The following ZNF423 variants were observed in gnomAD, a reference collection of about 807,000 sequenced individuals.
ZNF423 encodes Ebf-associated zinc finger protein.
In ZNF423, 12 loss-of-function variants were observed where a neutral mutation model predicts 95.8. The ratio of observed to expected loss-of-function variants is 0.13; its 90% CI spans 0.08 to 0.20. The LOEUF is 0.20. Among genes scored for constraint, ZNF423 ranks in the 10% least tolerant of loss-of-function variants. The pLI is 1.00. For synonymous variants in ZNF423, 749 were observed against 711.9 expected (o/e 1.05, Z -0.83); for missense variants, 1,316 against 1,737.1 (o/e 0.76, Z 4.31).
chr16:49,528,379 G>A (rs984971406), intron 5 of ZNF423, among the ~76,000 whole-genome samples: 2 of 152,186 alleles, frequency 1.3e-5, no homozygotes, highest in Admixed American at 6.5e-5. Context: ...CAAGCCGTCC[G>A]GGGCCCAAAC....
Position 49,751,036 on chromosome 16 carries a change from T to C in ZNF423, c.101-20065A>G, listed in dbSNP as rs546269398. Among the ~76,000 whole-genome samples the C allele has an allele frequency of 2.0e-4, 31 of 152,182 alleles. No homozygotes were observed. The South Asian group carries it at 6.2e-3, about 31-fold the overall frequency. On this transcript the variant is annotated intron_variant, in intron 2 of 7. Transcript: ENST00000563137. ...CCCGAGGAAGGCCCAGGACACGCCA[T>C]CAAATCCTGAAATCAGAAGGTGCTG...
intron 3 of ZNF423, chr16:49,640,667 A>T (rs1275384515): frequency 7.0e-6 from 1 of 142,454 alleles, no homozygotes; most frequent in Non-Finnish European, 1.5e-5. Context: ...CTCAACCGGG[A>T]TGCATGCGGC....
At chr16:49,820,774 A>G (rs937136186) in intron 1 of ZNF423, among the ~76,000 whole-genome samples, 2 of 152,240 alleles carry the variant, frequency 1.3e-5, no homozygotes, top group Non-Finnish European at 2.9e-5. Context: ...AAAATGTATT[A>G]AGATTCCCCT....
intron 3 of ZNF423, among the ~76,000 whole-genome samples, chr16:49,672,640 A>T (rs1035054745): frequency 9.2e-5 from 14 of 152,138 alleles, no homozygotes; most frequent in African/African-American, 3.1e-4. Flanking sequence ...AACATGGCGA[A>T]ACCTGTCTCT....
rs8053675 is a variant in ZNF423 at position 49,708,678 on chromosome 16, C to T, written c.301+22093G>A. ...GCCCACATGCCACAGGGACCCAACA[C>T]GTGCTACCCGCACAGCCTTTCACAG... On this transcript the variant is annotated intron_variant, in intron 3 of 7. Transcript: ENST00000563137. 3.9e-3 allele frequency among the ~76,000 whole-genome samples: 587 copies of T among 152,334 alleles called. 3 individuals carry two copies. The highest frequency in any genetic ancestry group is 6.7e-3 in the Non-Finnish European group (457 of 68,046).
intron 5 of ZNF423, among the ~76,000 whole-genome samples, chr16:49,612,973 A>G (rs1466974521): frequency 2.6e-5 from 4 of 151,886 alleles, no homozygotes; most frequent in Non-Finnish European, 4.4e-5. Flanking sequence ...AACCTGTACC[A>G]AATTAGGATG....
chr16:49,702,557 G>C (rs970020929), intron 3 of ZNF423, among the ~76,000 whole-genome samples: 3 of 152,324 alleles, frequency 2.0e-5, no homozygotes, highest in Non-Finnish European at 4.4e-5. Flanking sequence ...GAGGCGGGGG[G>C]CTGGCGGGCC....
At chr16:49,677,282 A>AGAAGAGAAGAGAAGG (rs1195080287) in intron 3 of ZNF423, among the ~76,000 whole-genome samples, 1 of 81,500 alleles carries the variant, frequency 1.2e-5, no homozygotes, top group Non-Finnish European at 2.5e-5. Flanking sequence ...AGAAGAGAAG[A>AGAAGAGAAGAGAAGG]GAAGAGAAGA....
At chr16:49,834,206 G>A (rs1378792863) in intron 1 of ZNF423, among the ~76,000 whole-genome samples, 1 of 152,112 alleles carries the variant, frequency 6.6e-6, no homozygotes, top group African/African-American at 2.4e-5. Context: ...ACTACATACA[G>A]CCTATATAAC....
intron 7 of ZNF423, chr16:49,517,676 A>C (rs1167944705): frequency 4.2e-6 from 1 of 236,382 alleles, no homozygotes; most frequent in Non-Finnish European, 8.3e-6. Flanking sequence ...ATGAGAGAAA[A>C]CTTTTTTTTT....
chr16:49,519,006 G>A (rs1005293387), intron 7 of ZNF423, among the ~76,000 whole-genome samples: 2 of 152,230 alleles, frequency 1.3e-5, no homozygotes, highest in Non-Finnish European at 2.9e-5. Context: ...TGAGGCTGCA[G>A]TAAGCCATGA....
intron 1 of ZNF423, among the ~76,000 whole-genome samples, chr16:49,815,925 T>A (rs1237026617): frequency 4.4e-3 from 403 of 91,260 alleles, no homozygotes; most frequent in South Asian, 0.022. Context: ...TTTTTTTTTT[T>A]TTTTTTTTTT....
chr16:49,853,926 A>T, intron 1 of ZNF423: 3 of 985,418 alleles, frequency 3.0e-6, no homozygotes, highest in Non-Finnish European at 3.6e-6. Flanking sequence ...GAGTTAAATA[A>T]AACTGTTTTT....
rs1229507914 is a variant in ZNF423, at chr16:49,651,540, G to C, written c.302-12666C>G. 3.3e-5 allele frequency among the ~76,000 whole-genome samples: 5 copies of C among 152,136 alleles called. No individual in the cohort carries two copies. The East Asian group carries it at 9.7e-4, about 29-fold the overall frequency. On this transcript the variant is annotated intron_variant, in intron 3 of 7. Transcript: ENST00000563137. Reference sequence around the variant, plus strand: ...GGCTGAGAGCCGGCAGCAGGGCTTAGACTCCCAGCTCCCCCACTTACTATG... The same window carrying C: ...GGCTGAGAGCCGGCAGCAGGGCTTACACTCCCAGCTCCCCCACTTACTATG...
chr16:49,730,931 G>C lies in ZNF423; in HGVS notation c.141C>G (p.Ser47Arg), dbSNP rs1369041439. 3 of 1,614,186 alleles carry C rather than the reference G, an allele frequency of 1.9e-6. No homozygotes were observed. In the African/African-American group the frequency reaches 4.0e-5, roughly 22 times the overall value. Reference protein sequence around the residue: ...EGEPECDQKTSRALEDRNSVT... With the variant: ...EGEPECDQKTRRALEDRNSVT... ...CGCTGTTCCTGTCTTCCAGCGCACG[G>C]CTGGTTTTCTGATCGCACTCTGGCT... Residue 47 changes from serine to arginine, a missense_variant, in exon 3 of 8, where the codon AGC (serine) becomes AGG (arginine). Physicochemically the swap from Ser to Arg is moderately radical, Grantham distance 110. Transcript: ENST00000563137.
intron 5 of ZNF423, among the ~76,000 whole-genome samples, chr16:49,607,886 T>G (rs902314405): frequency 1.6e-4 from 24 of 152,170 alleles, no homozygotes; most frequent in Admixed American, 3.3e-4. Flanking sequence ...GTGGTGTTAG[T>G]GCGAGAGCTG....
chr16:49,534,855 G>A (rs909140391), intron 5 of ZNF423, among the ~76,000 whole-genome samples: 4 of 152,212 alleles, frequency 2.6e-5, no homozygotes, highest in South Asian at 2.1e-4. Context: ...TTGCGATGGC[G>A]AAACTCGTGT....
intron 3 of ZNF423, among the ~76,000 whole-genome samples, chr16:49,668,917 T>C (rs186170764): frequency 6.6e-6 from 1 of 152,334 alleles, no homozygotes. Context: ...TGACAGTGCA[T>C]GTCTCCTTCC....
At chr16:49,607,894 C>T (rs187421184) in intron 5 of ZNF423, among the ~76,000 whole-genome samples, 2 of 152,216 alleles carry the variant, frequency 1.3e-5, no homozygotes, top group African/African-American at 4.8e-5. Context: ...AGTGCGAGAG[C>T]TGTCCTCCTT....
Sources: gnomAD v4.1 joint callset for allele counts (sites outside exome capture counted in the v4.1 genomes callset) on GRCh38, gnomAD v4.1.1 for gene constraint, MANE v1.5 for transcripts, NCBI Gene and HGNC (gene_info 2026-07-23, HGNC 2026-07-21) for gene names.